Variants in SYNE2 observed in about 807,000 individuals in gnomAD.
SYNE2 encodes spectrin repeat containing nuclear envelope protein 2, also known as nesprin-2.
In SYNE2, 431 loss-of-function variants were observed where a neutral mutation model predicts 856.3. The observed-to-expected ratio is 0.50, with a 90% CI of 0.47 to 0.55. SYNE2 has a LOEUF of 0.55. Ranked by LOEUF, SYNE2 falls within the 20% of genes least tolerant of loss-of-function variation. SYNE2 has a pLI of 0.00. For synonymous variants in SYNE2, 2,923 were observed against 2,872.3 expected, an observed-to-expected ratio of 1.02 and a Z score of -0.56; for missense variants, 8,129 against 8,023.2, an observed-to-expected ratio of 1.01 and a Z score of -0.50.
At chr14:63,991,362 A>T (rs1376458299) in intron 21 of SYNE2, among the ~76,000 whole-genome samples, 1 of 152,130 alleles carries the variant, frequency 6.6e-6, no homozygotes, top group Non-Finnish European at 1.5e-5. Context: ...AGTGCAGCCG[A>T]CTCTATGACA....
intron 96 of SYNE2, among the ~76,000 whole-genome samples, chr14:64,183,298 C>CT (rs2098470271): frequency 6.7e-6 from 1 of 149,700 alleles, no homozygotes; most frequent in Admixed American, 6.6e-5. Context: ...CGGGCAGAGG[C>CT]GCTCCTCCCA....
At chr14:63,927,443 G>A (rs879877104) in intron 2 of SYNE2, among the ~76,000 whole-genome samples, 2 of 152,150 alleles carry the variant, frequency 1.3e-5, no homozygotes, top group Non-Finnish European at 2.9e-5. Context: ...TAATTCCCAC[G>A]TGTTGTGGGA....
At chr14:64,028,040 G>A (rs1594961858) in intron 43 of SYNE2, among the ~76,000 whole-genome samples, 1 of 151,970 alleles carries the variant, frequency 6.6e-6, no homozygotes, top group South Asian at 2.1e-4. Context: ...CCCGGGTTGG[G>A]ACTACAGGCA....
At chr14:64,015,255 T>C (rs1374835240) in intron 32 of SYNE2, among the ~76,000 whole-genome samples, 1 of 151,744 alleles carries the variant, frequency 6.6e-6, no homozygotes, top group East Asian at 1.9e-4. Flanking sequence ...CAGGAGAGAT[T>C]GTACATAATT....
intron 107 of SYNE2, 84 bp downstream of exon 107, chr14:64,215,438 T>C: frequency 3.0e-6 from 4 of 1,333,120 alleles, no homozygotes; most frequent in Non-Finnish European, 3.2e-6. Flanking sequence ...ATGTCGTGTC[T>C]ACCTCTGCCT....
chr14:63,881,168 A>G (rs2094854863), intron 1 of SYNE2, among the ~76,000 whole-genome samples: 1 of 151,190 alleles, frequency 6.6e-6, no homozygotes, highest in African/African-American at 2.4e-5. Context: ...TTGTAGAGAC[A>G]GGTTTTCTGT....
chr14:64,161,898 T>A (rs1293446404), intron 87 of SYNE2, among the ~76,000 whole-genome samples, 174 bp from the exon 88 acceptor site: 1 of 152,214 alleles, frequency 6.6e-6, no homozygotes, highest in Non-Finnish European at 1.5e-5. Context: ...TAATTTGGAT[T>A]TATTTTTATA....
rs1370206967 is a variant in SYNE2 at position 63,974,888 on chromosome 14, G to GTATATATATATATATA, written c.1129-1674_1129-1673insATATATATATATATAT. On this transcript the variant is annotated intron_variant, in intron 11 of 115. Transcript: ENST00000555002. The stretch of plus-strand genomic sequence containing the variant: ...TGTGTGTGTGTGTGTGTGTGTGTGT[G>GTATATATATATATATA]TGTGTATATATATATATATATATAT... Among the ~76,000 whole-genome samples the GTATATATATATATATA allele has an allele frequency of 5.4e-3, 143 of 26,310 alleles. 1 individual carries two copies. The highest frequency in any genetic ancestry group is 0.015 in the South Asian group (6 of 392). The allele number at this position is 26,310 out of a possible 152,430, so 17.3% of individuals were successfully genotyped here.
intron 49 of SYNE2, among the ~76,000 whole-genome samples, chr14:64,060,246 T>G (rs2097305966): frequency 1.3e-5 from 2 of 152,164 alleles, no homozygotes; most frequent in Non-Finnish European, 2.9e-5. Context: ...CAGCTGTGAA[T>G]GTGCTGAGTC....
intron 96 of SYNE2, among the ~76,000 whole-genome samples, chr14:64,182,315 TTA>T (rs992716366): frequency 1.3e-5 from 2 of 152,226 alleles, no homozygotes; most frequent in African/African-American, 4.8e-5. Context: ...TGGTGGAAAC[TTA>T]TCTCTTTGAC....
chr14:63,976,888 T>C (rs2096547404), intron 12 of SYNE2, among the ~76,000 whole-genome samples, 161 bp downstream of exon 12: 1 of 152,074 alleles, frequency 6.6e-6, no homozygotes. Flanking sequence ...AATGTAACTT[T>C]ACCTTCATGA....
At chr14:63,820,795 G>C (rs1041728126) in intron 1 of SYNE2, among the ~76,000 whole-genome samples, 2 of 150,986 alleles carry the variant, frequency 1.3e-5, no homozygotes, top group Non-Finnish European at 2.9e-5. Flanking sequence ...TTTCACCCAG[G>C]CTGTAGTGCA....
At chr14:64,173,663 C>T (rs1567545178) in intron 94 of SYNE2, among the ~76,000 whole-genome samples, 1 of 152,052 alleles carries the variant, frequency 6.6e-6, no homozygotes. Flanking sequence ...GGCTGGAGTG[C>T]AGTGGCGTGA....
intron 1 of SYNE2, among the ~76,000 whole-genome samples, chr14:63,905,308 A>C (rs1000600519): frequency 3.3e-5 from 5 of 151,906 alleles, no homozygotes; most frequent in African/African-American, 1.2e-4. Flanking sequence ...TTTTGGTTTT[A>C]TATGAATTTT....
At chr14:63,974,852 ATGTG>A (rs1289413090) in intron 11 of SYNE2, among the ~76,000 whole-genome samples, 224 of 78,300 alleles carry the variant, frequency 2.9e-3, no homozygotes, top group South Asian at 8.6e-3. Context: ...GTGTGTGTAC[ATGTG>A]TGTGTGTGTG....
At chr14:63,976,512 C>T (rs777044124) in intron 11 of SYNE2, 51 bp from the exon 12 acceptor site, 3 of 1,571,242 alleles carry the variant, frequency 1.9e-6, no homozygotes, top group South Asian at 1.1e-5. Context: ...AAGAAATAAA[C>T]TAGAAAAGTT....
chr14:63,843,413 T>A (rs960935013), intron 1 of SYNE2, among the ~76,000 whole-genome samples: 69 of 152,328 alleles, frequency 4.5e-4, no homozygotes, highest in Non-Finnish European at 5.7e-4. Context: ...TATCTTGGGT[T>A]TTCTAGGTAT....
At chr14:64,145,227 G>A (rs943901231) in intron 83 of SYNE2, among the ~76,000 whole-genome samples, 5 of 146,424 alleles carry the variant, frequency 3.4e-5, no homozygotes, top group African/African-American at 1.1e-4. Context: ...ACGCCTGGCC[G>A]GGCAGCCTTT....
rs1173179468 is a variant in SYNE2 at position 64,204,172 on chromosome 14, A to G, written c.18201+1209A>G. ...AACTTTAAGCATGTCTTTTTCATGG[A>G]GGTCATCTAGGCTCTGTCTTTGCTT... On this transcript the variant is annotated intron_variant, in intron 100 of 115. Coordinates refer to ENST00000555002, the MANE Select transcript of SYNE2 (RefSeq NM_182914.3). Among the ~76,000 whole-genome samples, 5 of 152,190 alleles carry G rather than the reference A, an allele frequency of 3.3e-5. No homozygotes were observed. The East Asian group carries it at 9.6e-4, about 29-fold the overall frequency.
Sources: allele counts gnomAD v4.1 joint callset (sites outside exome capture counted in the v4.1 genomes callset), GRCh38; gene constraint gnomAD v4.1.1; transcripts MANE v1.5; gene names NCBI Gene and HGNC (gene_info 2026-07-23, HGNC 2026-07-21).